Variants in PPP1R9A observed in about 807,000 individuals in gnomAD.
PPP1R9A encodes the protein neurabin-1.
Under a neutral mutation model 141.9 loss-of-function variants are expected in PPP1R9A, and 59 were observed. The ratio of observed to expected loss-of-function variants is 0.42; its 90% CI spans 0.34 to 0.52. The LOEUF is 0.52. Among genes scored for constraint, PPP1R9A ranks in the 20% least tolerant of loss-of-function variants. The pLI, the probability that PPP1R9A is intolerant of heterozygous loss-of-function variation, is 0.10. For synonymous variants in PPP1R9A, 500 were observed against 569.7 expected, an observed-to-expected ratio of 0.88 and a Z score of 1.74; for missense variants, 1,444 against 1,611.9, an observed-to-expected ratio of 0.90 and a Z score of 1.78.
At chr7:95,061,245 A>G (rs1812190697) in intron 2 of PPP1R9A, among the ~76,000 whole-genome samples, 1 of 152,168 alleles carries the variant, frequency 6.6e-6, no homozygotes, top group African/African-American at 2.4e-5. Flanking sequence ...ACCCATATGA[A>G]GTTCTCTATG....
In PPP1R9A at chr7:95,018,131, A is replaced by C. The variant is rs191300378; in HGVS notation, c.1396-93128A>C. 4.1e-4 allele frequency: 78 copies of C among 188,646 alleles called. 1 individual carries two copies. The Middle Eastern group carries it at 9.0e-3, about 22-fold the overall frequency. 11.7% of individuals were successfully genotyped at this position (188,646 alleles called of 1,614,324 possible). On this transcript the variant is annotated intron_variant, in intron 2 of 19. Transcript: ENST00000433360. ...ATGTGCAAACTTAATCATTGCCTAG[A>C]GAAGGGAAAATTATCCCCAAAACAT...
At chr7:95,220,319 T>C (rs1410971276) in intron 7 of PPP1R9A, among the ~76,000 whole-genome samples, 2 of 152,076 alleles carry the variant, frequency 1.3e-5, no homozygotes, top group African/African-American at 4.8e-5. Context: ...CGTCTGAAAA[T>C]ACATAGCACC....
chr7:95,129,461 T>C (rs1563279979), intron 4 of PPP1R9A, among the ~76,000 whole-genome samples: 1 of 152,324 alleles, frequency 6.6e-6, no homozygotes, highest in East Asian at 1.9e-4. Flanking sequence ...ACCTTTTTCC[T>C]GTATAAATTA....
intron 16 of PPP1R9A, among the ~76,000 whole-genome samples, chr7:95,279,942 C>T (rs763623311): frequency 1.3e-5 from 2 of 152,162 alleles, no homozygotes; most frequent in Non-Finnish European, 2.9e-5. Context: ...GGGGAAGACT[C>T]ATTAAGGGAA....
intron 18 of PPP1R9A, among the ~76,000 whole-genome samples, chr7:95,287,487 T>A (rs1323525134): frequency 1.3e-5 from 2 of 152,158 alleles, no homozygotes; most frequent in Non-Finnish European, 2.9e-5. Flanking sequence ...CTGTCTTTCC[T>A]TCAAGACCTA....
At chr7:94,981,294 C>T (rs1051637232) in intron 2 of PPP1R9A, among the ~76,000 whole-genome samples, 3 of 152,162 alleles carry the variant, frequency 2.0e-5, no homozygotes, top group Non-Finnish European at 4.4e-5. Flanking sequence ...AGTGCAGTGG[C>T]AAGATCTCGA....
chr7:94,971,867 T>C (rs950464109), intron 2 of PPP1R9A, among the ~76,000 whole-genome samples: 1 of 152,222 alleles, frequency 6.6e-6, no homozygotes, highest in Non-Finnish European at 1.5e-5. Context: ...GGTTAGGATA[T>C]AAGAATTCTT....
At chr7:95,144,717 C>G (rs1827302120) in intron 4 of PPP1R9A, among the ~76,000 whole-genome samples, 1 of 152,092 alleles carries the variant, frequency 6.6e-6, no homozygotes, top group Non-Finnish European at 1.5e-5. Flanking sequence ...CAACATAGTA[C>G]TGGAGTCCTA....
chr7:95,281,747 A>C (rs1466649710), intron 16 of PPP1R9A, among the ~76,000 whole-genome samples: 1 of 152,230 alleles, frequency 6.6e-6, no homozygotes, highest in Non-Finnish European at 1.5e-5. Flanking sequence ...CATTGTTACA[A>C]AGGCTGTTCA....
At chr7:95,224,929 G>C (rs1284616379) in intron 7 of PPP1R9A, among the ~76,000 whole-genome samples, 1 of 150,306 alleles carries the variant, frequency 6.7e-6, no homozygotes, top group Non-Finnish European at 1.5e-5. Flanking sequence ...TGAGTTCAAT[G>C]AACTTTGTTT....
At chr7:95,025,316 C>T (rs1302453768) in intron 2 of PPP1R9A, among the ~76,000 whole-genome samples, 1 of 152,132 alleles carries the variant, frequency 6.6e-6, no homozygotes, top group Non-Finnish European at 1.5e-5. Flanking sequence ...CCACCCTCCT[C>T]AGCCTCCCAA....
Position 94,910,422 on chromosome 7 carries a change from A to G in PPP1R9A, c.309A>G (p.Lys103=), listed in dbSNP as rs1352688766. Residue 103 remains lysine (K), a synonymous_variant, in exon 2 of 20, where the codon AAA becomes AAG. Coordinates refer to ENST00000433360, the MANE Select transcript of PPP1R9A (RefSeq NM_001166160.2). The surrounding 1 kb of genome is among the most constrained non-coding windows in gnomAD (Gnocchi z 4.5). ...CTCCTCAGAGAAGAATGAAGCCCAA[A>G]GAATTTCTGGAAAAAACAGATGGCT... is the stretch of plus-strand genomic sequence containing the variant. ...HSSPQRRMKP[K]EFLEKTDGSV... is the part of the protein sequence containing the mutation. 1 of 1,614,226 alleles carries G rather than the reference A, an allele frequency of 6.2e-7. No homozygotes were observed. Among genetic ancestry groups the G allele is most frequent in the Non-Finnish European group, 8.5e-7 (1 of 1,180,038 alleles).
At chr7:95,002,138 CT>C (rs1160161583) in intron 2 of PPP1R9A, among the ~76,000 whole-genome samples, 9 of 152,146 alleles carry the variant, frequency 5.9e-5, no homozygotes. Context: ...ACCTTTCGTA[CT>C]GAAACTTACT....
At chr7:95,049,798 C>A (rs976371765) in intron 2 of PPP1R9A, among the ~76,000 whole-genome samples, 7 of 152,314 alleles carry the variant, frequency 4.6e-5, no homozygotes, top group Admixed American at 1.3e-4. Context: ...AGATTGACTT[C>A]TTTCACTTAA....
At chr7:95,185,735 T>C (rs1232789085) in intron 5 of PPP1R9A, among the ~76,000 whole-genome samples, 1 of 152,206 alleles carries the variant, frequency 6.6e-6, no homozygotes, top group Non-Finnish European at 1.5e-5. Context: ...AGTTTCATTC[T>C]TCTACATGTG....
rs897838647 is a variant in PPP1R9A, at chr7:95,103,362, C to CTTTTTTTTTT, written c.1396-7888_1396-7879dup. 2.6e-3 allele frequency among the ~76,000 whole-genome samples: 229 copies of CTTTTTTTTTT among 88,780 alleles called. 24 individuals carry two copies. Among genetic ancestry groups the CTTTTTTTTTT allele is most frequent in the East Asian group, 0.02 (83 of 4,252 alleles). 58.2% of individuals were successfully genotyped at this position (88,780 alleles called of 152,430 possible). A position where few individuals can be genotyped will look rare whatever the true frequency, so the allele number is the denominator to read the frequency against. On this transcript the variant is annotated intron_variant, in intron 2 of 19. Coordinates refer to ENST00000433360, the MANE Select transcript of PPP1R9A (RefSeq NM_001166160.2). ...GAGTATGTTTGGTTTTTTTTCACTT[C>CTTTTTTTTTT]TTTTTTTTTTTTTTTTTTGAGACAG... is the stretch of plus-strand genomic sequence containing the variant.
chr7:94,930,902 C>T (rs573144943), intron 2 of PPP1R9A, among the ~76,000 whole-genome samples: 1 of 152,276 alleles, frequency 6.6e-6, no homozygotes, highest in South Asian at 2.1e-4. Flanking sequence ...GATTTGGAAT[C>T]AGAGATGAGG....
At chr7:95,230,014 C>T (rs1795698369) in intron 8 of PPP1R9A, among the ~76,000 whole-genome samples, 1 of 152,100 alleles carries the variant, frequency 6.6e-6, no homozygotes, top group Admixed American at 6.5e-5. Flanking sequence ...TCCCAAGTAC[C>T]AGTGCAGAGC....
intron 2 of PPP1R9A, among the ~76,000 whole-genome samples, chr7:94,944,856 A>T (rs910120980): frequency 6.6e-6 from 1 of 151,098 alleles, no homozygotes; most frequent in East Asian, 1.9e-4. Context: ...TCCAAGGATT[A>T]AAAAAAAATG....
Sources: gnomAD v4.1 joint callset for allele counts (sites outside exome capture counted in the v4.1 genomes callset) on GRCh38, gnomAD v4.1.1 for gene constraint, Gnocchi (gnomAD v3.1) non-coding constraint, MANE v1.5 for transcripts, NCBI Gene and HGNC (gene_info 2026-07-23, HGNC 2026-07-21) for gene names.